The following SUGCT variants were observed in gnomAD, a reference collection of about 807,000 sequenced individuals.
SUGCT encodes the protein succinyl-CoA:glutarate-CoA transferase, also known as succinyl-CoA:glutarate CoA-transferase.
SUGCT carries 41 observed loss-of-function variants against 55.0 expected under a neutral mutation model. That is an observed-to-expected ratio of 0.74 (90% CI 0.58 to 0.97). The LOEUF is 0.97. Ranked by LOEUF, SUGCT falls within the 50% of genes least tolerant of loss-of-function variation. The pLI is 0.00. For synonymous variants in SUGCT, 187 were observed against 200.4 expected (o/e 0.93, Z 0.56); for missense variants, 568 against 547.8 (o/e 1.04, Z -0.37).
chr7:40,899,327 C>A, the SUGCT span, among the ~76,000 whole-genome samples: 1 of 152,200 alleles, frequency 6.6e-6, no homozygotes, highest in East Asian at 1.9e-4. Flanking sequence ...TTATTTACCC[C>A]TCCGCCTCCC....
At chr7:40,171,640 G>T (rs1384876718) in intron 1 of SUGCT, among the ~76,000 whole-genome samples, 1 of 152,198 alleles carries the variant, frequency 6.6e-6, no homozygotes, top group Non-Finnish European at 1.5e-5. Context: ...ATTCTGAGCT[G>T]GTGAGGTGTG....
intron 1 of SUGCT, among the ~76,000 whole-genome samples, chr7:40,137,872 G>A (rs1456656038): frequency 6.6e-6 from 1 of 152,072 alleles, no homozygotes; most frequent in East Asian, 1.9e-4. Flanking sequence ...TGAAGACATG[G>A]GGTTTTGCCA....
intron 2 of SUGCT, among the ~76,000 whole-genome samples, chr7:40,181,645 C>A (rs998605851): frequency 6.6e-6 from 1 of 151,620 alleles, no homozygotes; most frequent in African/African-American, 2.4e-5. Context: ...ACTCGGGAGG[C>A]TGAGGCAGGT....
At chr7:40,902,676 T>C in the SUGCT span, among the ~76,000 whole-genome samples, 4 of 152,116 alleles carry the variant, frequency 2.6e-5, no homozygotes, top group Non-Finnish European at 5.9e-5. Flanking sequence ...TTTGGAATCA[T>C]TTAATAATGT....
chr7:40,272,039 G>C (rs1185635877), intron 7 of SUGCT, among the ~76,000 whole-genome samples: 2 of 135,520 alleles, frequency 1.5e-5, no homozygotes, highest in African/African-American at 5.5e-5. Context: ...ATTTTTTATG[G>C]CTGAATAATA....
chr7:40,671,829 C>G (rs1282330529), intron 12 of SUGCT, among the ~76,000 whole-genome samples: 3 of 152,086 alleles, frequency 2.0e-5, no homozygotes, highest in African/African-American at 7.2e-5. Flanking sequence ...AAAACATAAA[C>G]AAGCTTATTC....
intron 12 of SUGCT, among the ~76,000 whole-genome samples, chr7:40,638,171 C>T (rs1800103607): frequency 6.6e-6 from 1 of 152,146 alleles, no homozygotes; most frequent in Non-Finnish European, 1.5e-5. Context: ...TTCAAATATC[C>T]GGCACTTGTT....
rs545936182 is a variant in SUGCT, at chr7:40,181,022, T to C, written c.152+24T>C. The C allele has an allele frequency of 3.2e-5, 50 of 1,563,988 alleles. 1 individual carries two copies. The South Asian group carries it at 5.2e-4, about 16-fold the overall frequency. On this transcript the variant is annotated intron_variant, in intron 2 of 13. Transcript: ENST00000335693. ...AGGTTTGTATTGGTTTATCTACATT[T>C]TGGTGATTGGGTTTTTCCCTTTCCT...
chr7:40,719,104 A>G (rs1326733122), intron 12 of SUGCT, among the ~76,000 whole-genome samples: 2 of 152,236 alleles, frequency 1.3e-5, no homozygotes, highest in Non-Finnish European at 2.9e-5. Flanking sequence ...ATGGAGCCAT[A>G]TGTGATCTGG....
chr7:40,148,838 T>A (rs1457750918), intron 1 of SUGCT, among the ~76,000 whole-genome samples: 1 of 152,138 alleles, frequency 6.6e-6, no homozygotes, highest in Non-Finnish European at 1.5e-5. Context: ...AATGAATGGA[T>A]GCGGATGGAG....
the SUGCT span, among the ~76,000 whole-genome samples, chr7:40,928,601 T>A: frequency 7.1e-6 from 1 of 141,682 alleles, no homozygotes; most frequent in East Asian, 2.0e-4. Flanking sequence ...AGTAAAACTC[T>A]AATTTTTTTT....
At chr7:40,438,224 C>T (rs1007564744) in intron 9 of SUGCT, among the ~76,000 whole-genome samples, 1 of 152,126 alleles carries the variant, frequency 6.6e-6, no homozygotes, top group Non-Finnish European at 1.5e-5. Context: ...ACATCTGCTC[C>T]ACAGTCTGCA....
intron 9 of SUGCT, among the ~76,000 whole-genome samples, chr7:40,369,373 G>A (rs1422016090): frequency 6.6e-6 from 1 of 152,104 alleles, no homozygotes; most frequent in Non-Finnish European, 1.5e-5. Flanking sequence ...TTTTCTTGAA[G>A]AAACTGACTC....
At position 40,511,035 on chromosome 7, in the gene SUGCT, AG is replaced by A. The variant is rs199823556; in HGVS notation, c.1089+14650del. Among the ~76,000 whole-genome samples, 1,078 of 152,316 alleles carry A rather than the reference AG, an allele frequency of 7.1e-3. 10 individuals are homozygous for A. The highest frequency in any genetic ancestry group is 0.022 in the African/African-American group (933 of 41,570). On this transcript the variant is annotated intron_variant, in intron 12 of 13. Transcript: ENST00000335693. ...TGCAAGGATTTCATTCTAGAACTAC[AG>A]AATATTTTAGATAGAGTGCTGTTGC...
chr7:40,849,769 G>T (rs912160026), intron 13 of SUGCT, among the ~76,000 whole-genome samples: 3 of 151,934 alleles, frequency 2.0e-5, no homozygotes, highest in African/African-American at 4.8e-5. Context: ...AAACACCACA[G>T]AGCTAGCTTG....
chr7:40,794,515 A>T (rs1790458796), intron 13 of SUGCT, among the ~76,000 whole-genome samples: 3 of 152,218 alleles, frequency 2.0e-5, no homozygotes, highest in Admixed American at 6.6e-5. Flanking sequence ...GAGGGATCAC[A>T]AATATGACTC....
the SUGCT span, among the ~76,000 whole-genome samples, chr7:41,019,704 G>A: frequency 6.6e-6 from 1 of 152,204 alleles, no homozygotes; most frequent in Non-Finnish European, 1.5e-5. Flanking sequence ...CCCCAGCTAA[G>A]GCTGTAATTC....
the SUGCT span, among the ~76,000 whole-genome samples, chr7:41,030,082 C>A: frequency 6.6e-6 from 1 of 152,144 alleles, no homozygotes; most frequent in Non-Finnish European, 1.5e-5. Flanking sequence ...CTTTTCATGG[C>A]CTGATAACTC....
At chr7:40,438,939 C>T (rs1788318684) in intron 9 of SUGCT, among the ~76,000 whole-genome samples, 1 of 149,036 alleles carries the variant, frequency 6.7e-6, no homozygotes, top group Admixed American at 6.7e-5. Context: ...GGACCAAGTA[C>T]AGTAGTAATT....
Sources: allele counts gnomAD v4.1 joint callset (sites outside exome capture counted in the v4.1 genomes callset), GRCh38; gene constraint gnomAD v4.1.1; transcripts MANE v1.5; gene names NCBI Gene and HGNC (gene_info 2026-07-23, HGNC 2026-07-21).